The following GCG variants were observed in gnomAD, a reference collection of about 807,000 sequenced individuals.
GCG encodes glucagon, also known as pro-glucagon.
Under a neutral mutation model 22.8 loss-of-function variants are expected in GCG, and 11 were observed. The ratio of observed to expected loss-of-function variants is 0.48; its 90% CI spans 0.30 to 0.80. The LOEUF is 0.80. Ranked by LOEUF, GCG falls within the 30% of genes least tolerant of loss-of-function variation. The pLI is 0.06. For missense variants in GCG, 222 were observed against 222.0 expected, an observed-to-expected ratio of 1.00 and a Z score of 0.00; for synonymous variants, 89 against 72.4, an observed-to-expected ratio of 1.23 and a Z score of -1.16.
chr2:162,147,293 A>G, intron 3 of GCG, 60 bp downstream of exon 3: 1 of 1,255,154 alleles, frequency 8.0e-7, no homozygotes, highest in Non-Finnish European at 1.1e-6. Flanking sequence ...ATGTCAAGAG[A>G]AATTTTAGAC....
rs11552336 is a variant in GCG, at chr2:162,143,112, C to T, written c.*252G>A. 64 of 356,164 alleles carry T rather than the reference C, an allele frequency of 1.8e-4. 1 individual carries two copies. The highest frequency in any genetic ancestry group is 3.0e-4 in the Non-Finnish European group (58 of 193,530). 22.1% of individuals were successfully genotyped at this position (356,164 alleles called of 1,614,324 possible). On this transcript the variant is annotated 3_prime_UTR_variant, in exon 6 of 6. Transcript: ENST00000418842. ...TAAATGTAAACAGGTTGGGGTACTTCATCCAAAATAAGAAGAAAATAACAG... is the reference window on the plus strand; with the variant it reads ...TAAATGTAAACAGGTTGGGGTACTTTATCCAAAATAAGAAGAAAATAACAG...
Position 162,143,254 on chromosome 2 carries a change from A to C in GCG, c.*110T>G, listed in dbSNP as rs78895539. The C allele has an allele frequency of 1.1e-5, 5 of 466,834 alleles. No homozygotes were observed. The highest frequency in any genetic ancestry group is 1.9e-5 in the Non-Finnish European group (5 of 261,694). 28.9% of individuals were successfully genotyped at this position (466,834 alleles called of 1,614,324 possible). A position where few individuals can be genotyped will look rare whatever the true frequency, so the allele number is the denominator to read the frequency against. On this transcript the variant is annotated 3_prime_UTR_variant, in exon 6 of 6. Transcript: ENST00000418842. Reference sequence around the variant, plus strand: ...AAGAAAATTTATTTATTGGCATGCAAAGCAATGTGGCCTCAGAATACACCT... The same window carrying C: ...AAGAAAATTTATTTATTGGCATGCACAGCAATGTGGCCTCAGAATACACCT...
At chr2:162,147,111 A>G (rs893413365) in intron 3 of GCG, among the ~76,000 whole-genome samples, 4 of 152,112 alleles carry the variant, frequency 2.6e-5, no homozygotes, top group African/African-American at 4.8e-5. Flanking sequence ...TAGGACTACC[A>G]CTGGGAAAAT....
intron 1 of GCG, among the ~76,000 whole-genome samples, chr2:162,150,111 G>T (rs779993329): frequency 6.6e-6 from 1 of 152,062 alleles, no homozygotes; most frequent in Non-Finnish European, 1.5e-5. Context: ...GTGTCGACGG[G>T]GACTGGGACC....
rs1159026436 is a variant in GCG, at chr2:162,143,121, TAAG to T, written c.*240_*242del. The T allele has an allele frequency of 2.4e-5, 9 of 367,424 alleles. No homozygotes were observed. Among genetic ancestry groups the T allele is most frequent in the Non-Finnish European group, 4.0e-5 (8 of 199,550 alleles). 22.8% of individuals were successfully genotyped at this position (367,424 alleles called of 1,614,324 possible). A position where few individuals can be genotyped will look rare whatever the true frequency, so the allele number is the denominator to read the frequency against. On this transcript the variant is annotated 3_prime_UTR_variant, in exon 6 of 6. Coordinates refer to ENST00000418842, the MANE Select transcript of GCG (RefSeq NM_002054.5). ...ACAGGTTGGGGTACTTCATCCAAAA[TAAG>T]AAGAAAATAACAGAATCTAGCACTT...
At position 162,144,179 on chromosome 2, in the gene GCG, A is replaced by AT; in HGVS notation, c.393-10dup. 2 of 1,604,910 alleles carry AT rather than the reference A, an allele frequency of 1.2e-6. No homozygotes were observed. Among genetic ancestry groups the AT allele is most frequent in the Non-Finnish European group, 1.7e-6 (2 of 1,171,940 alleles). On this transcript the variant is annotated splice_polypyrimidine_tract_variant and intron_variant, in intron 4 of 5. Transcript: ENST00000418842. ...CGACCTCTTCTGGGAAACTAAGAAA[A>AT]TAAGTGTTAAAATTAGCGTTTGATT...
At chr2:162,145,027 A>G (rs2106194888) in intron 4 of GCG, 1 of 152,204 alleles carries the variant, frequency 6.6e-6, no homozygotes, top group South Asian at 2.1e-4. Context: ...TTTTATCAAC[A>G]TCTTAGGTTT....
chr2:162,147,764 G>A (rs980189461), intron 2 of GCG, among the ~76,000 whole-genome samples: 1 of 152,070 alleles, frequency 6.6e-6, no homozygotes, highest in East Asian at 1.9e-4. Flanking sequence ...TTCTGAAATA[G>A]GATTAAACAA....
chr2:162,147,418 G>T lies in GCG; in HGVS notation c.189C>A (p.Ser63Arg), dbSNP rs200358995. Reference protein sequence around the residue: ...HSQGTFTSDYSKYLDSRRAQD... With the variant: ...HSQGTFTSDYRKYLDSRRAQD... ...GGGCACGCCTGGAGTCCAGATACTT[G>T]CTGTAGTCACTGGTGAATGTGCCCT... The change falls in exon 3 of 6, where the codon AGC (serine) becomes AGA (arginine). Residue 63 changes from serine to arginine, a missense_variant. Coordinates refer to ENST00000418842, the MANE Select transcript of GCG (RefSeq NM_002054.5). The T allele has an allele frequency of 2.4e-5, 39 of 1,612,560 alleles. No individual in the cohort carries two copies. Among genetic ancestry groups the T allele is most frequent in the African/African-American group, 4.0e-5 (3 of 74,848 alleles).
intron 3 of GCG, among the ~76,000 whole-genome samples, chr2:162,146,520 A>G (rs139562653): frequency 2.8e-3 from 404 of 142,082 alleles, no homozygotes; most frequent in African/African-American, 0.01. Context: ...TGTTTCTCCT[A>G]TTCCTCCTGC....
intron 4 of GCG, 84 bp downstream of exon 4, chr2:162,145,456 A>T: frequency 9.1e-7 from 1 of 1,096,084 alleles, no homozygotes; most frequent in Non-Finnish European, 1.3e-6. Flanking sequence ...TTGCTTCTGT[A>T]ATCCAGATCC....
chr2:162,149,686 A>G (rs1475682611), intron 1 of GCG, among the ~76,000 whole-genome samples: 1 of 152,160 alleles, frequency 6.6e-6, no homozygotes, highest in African/African-American at 2.4e-5. Context: ...TTGGCATACC[A>G]GCTGTCGGTT....
chr2:162,143,805 C>A, intron 5 of GCG: 1 of 556,736 alleles, frequency 1.8e-6, no homozygotes, highest in Non-Finnish European at 3.2e-6. Context: ...CTAATAGACA[C>A]TCAGTAAATG....
chr2:162,148,567 A>G (rs1398164894), intron 2 of GCG, among the ~76,000 whole-genome samples: 2 of 152,104 alleles, frequency 1.3e-5, no homozygotes, highest in Non-Finnish European at 2.9e-5. Flanking sequence ...GAGCCAAGAG[A>G]TATTTATGTA....
At position 162,145,625 on chromosome 2, in the gene GCG, A is replaced by G; in HGVS notation, c.307T>C (p.Phe103Leu). 1 of 1,610,634 alleles carries G rather than the reference A, an allele frequency of 6.2e-7. No individual in the cohort carries two copies. Among genetic ancestry groups the G allele is most frequent in the Non-Finnish European group, 8.5e-7 (1 of 1,177,772 alleles). The change falls in exon 4 of 6, where the codon TTT (phenylalanine) becomes CTT (leucine). Residue 103 changes from phenylalanine to leucine, a missense_variant. Phe to Leu is a conservative substitution (Grantham distance 22). Transcript: ENST00000418842. ...DEFERHAEGTFTSDVSSYLEG... is the reference protein window; with the variant it reads ...DEFERHAEGTLTSDVSSYLEG... ...AAATAAGAACTTACATCACTGGTAA[A>G]GGTCCCTTCAGCATGTCTCTCAAAT...
rs760949568 is a variant in GCG at position 162,143,916 on chromosome 2, A to G, written c.536+111T>C. 1.3e-5 allele frequency: 11 copies of G among 822,562 alleles called. No homozygotes were observed. In the East Asian group the frequency reaches 1.6e-4, roughly 12 times the overall value. 51.0% of individuals were successfully genotyped at this position (822,562 alleles called of 1,614,324 possible). A position where few individuals can be genotyped will look rare whatever the true frequency, so the allele number is the denominator to read the frequency against. On this transcript the variant is annotated intron_variant, in intron 5 of 5. Coordinates refer to ENST00000418842, the MANE Select transcript of GCG (RefSeq NM_002054.5). ...TTAAACATGCATAATTATTTCCTAT[A>G]TAATAAGAGATTATAGACTTTCCCC...
rs1316318568 is a variant in GCG, at chr2:162,149,074, A to G, written c.92+13T>C. On this transcript the variant is annotated intron_variant, in intron 2 of 5. Transcript: ENST00000418842. ...CATATTGATATGTTAGTTCGAGACT[A>G]CGGATTTAATACCTGGATTTCTCCT... 4 of 1,533,202 alleles carry G rather than the reference A, an allele frequency of 2.6e-6. No individual in the cohort carries two copies. Among genetic ancestry groups the G allele is most frequent in the Admixed American group, 1.7e-5 (1 of 59,598 alleles). 95.0% of individuals were successfully genotyped at this position (1,533,202 alleles called of 1,614,324 possible).
chr2:162,149,477 C>G (rs1180628736), intron 1 of GCG, among the ~76,000 whole-genome samples: 2 of 152,084 alleles, frequency 1.3e-5, no homozygotes, highest in Non-Finnish European at 2.9e-5. Flanking sequence ...CATTTCCAGA[C>G]TGGAAATTAA....
At chr2:162,144,307 A>G in intron 4 of GCG, 137 bp from the exon 5 acceptor site, 1 of 682,556 alleles carries the variant, frequency 1.5e-6, no homozygotes, top group Non-Finnish European at 2.5e-6. Flanking sequence ...TGTACTGTGA[A>G]ATACCTGATA....
Sources: allele counts gnomAD v4.1 joint callset (sites outside exome capture counted in the v4.1 genomes callset), GRCh38; gene constraint gnomAD v4.1.1; transcripts MANE v1.5; gene names NCBI Gene and HGNC (gene_info 2026-07-23, HGNC 2026-07-21).